The following TAC4 variants were observed in gnomAD, a reference collection of about 807,000 sequenced individuals.
TAC4 encodes the protein tachykinin precursor 4.
Under a neutral mutation model 17.7 loss-of-function variants are expected in TAC4, and 17 were observed. The ratio of observed to expected loss-of-function variants is 0.96; its 90% confidence interval spans 0.66 to 1.44. The LOEUF (loss-of-function observed/expected upper bound fraction) is 1.44. TAC4 is among the 40% of genes most tolerant of loss of function. The probability of loss-of-function intolerance (pLI) is 0.00; values close to 1 mark genes in which losing one functional copy is unlikely to be tolerated. For missense variants in TAC4, 118 were observed against 125.6 expected (o/e 0.94, Z 0.29); for synonymous variants, 62 against 52.4 (o/e 1.18, Z -0.79).
At chr17:49,842,960 C>T (rs763522451) in intron 2 of TAC4, among the ~76,000 whole-genome samples, 4 of 152,140 alleles carry the variant, frequency 2.6e-5, no homozygotes, top group Non-Finnish European at 5.9e-5. Context: ...CTTTAATGGC[C>T]ACAAGGGTTA....
chr17:49,847,710 C>T, intron 1 of TAC4: 1 of 681,200 alleles, frequency 1.5e-6, no homozygotes, highest in Non-Finnish European at 2.5e-6. Flanking sequence ...CACACACACA[C>T]ACACACACAC....
chr17:49,839,769 G>C, intron 4 of TAC4, 81 bp downstream of exon 4: 2 of 1,349,038 alleles, frequency 1.5e-6, no homozygotes, highest in South Asian at 2.7e-5. Context: ...TAGCTGCCCA[G>C]CCCCCATCTT....
chr17:49,847,479 T>G (rs1292824360), intron 1 of TAC4: 1 of 368,666 alleles, frequency 2.7e-6, no homozygotes, highest in Non-Finnish European at 5.1e-6. Flanking sequence ...GGGCAAAGTG[T>G]GTAGTTGTGC....
chr17:49,847,964 C>T lies in TAC4; in HGVS notation c.54G>A (p.Val18=). Residue 18 remains valine (V), a synonymous_variant, in exon 1 of 5, where the codon GTG becomes GTA. Transcript: ENST00000436235. ...TCTGTTCCTCTCCACCATCACCTGC[C>T]ACAGTGCACACGGACAGCTCCATCA... ...LLLMELSVCT[V]AGDGGEEQTL... is the part of the protein sequence containing the mutation. The T allele has an allele frequency of 6.2e-7, 1 of 1,614,214 alleles. No individual in the cohort carries two copies.
intron 3 of TAC4, 32 bp downstream of exon 3, chr17:49,841,520 G>T (rs368046203): frequency 1.3e-6 from 2 of 1,559,022 alleles, no homozygotes; most frequent in Non-Finnish European, 1.7e-6. Flanking sequence ...TCCCTAGGGG[G>T]CATGTTGAAG....
intron 1 of TAC4, chr17:49,846,962 G>T (rs1172178056): frequency 7.8e-7 from 1 of 1,288,854 alleles, no homozygotes; most frequent in Non-Finnish European, 1.0e-6. Context: ...AAAGAAGCAG[G>T]CATCAGTGGA....
intron 1 of TAC4, 83 bp from the exon 2 acceptor site, chr17:49,844,240 G>T: frequency 7.7e-7 from 1 of 1,294,208 alleles, no homozygotes; most frequent in South Asian, 1.2e-5. Flanking sequence ...AATCTCAGGA[G>T]TGACAGCTGG....
intron 2 of TAC4, among the ~76,000 whole-genome samples, chr17:49,842,407 G>A (rs2074505338): frequency 6.6e-6 from 1 of 151,914 alleles, no homozygotes; most frequent in Admixed American, 6.6e-5. Flanking sequence ...GCTGATGCCT[G>A]TAATCTCAAC....
At chr17:49,846,949 C>T in intron 1 of TAC4, 1 of 1,286,920 alleles carries the variant, frequency 7.8e-7, no homozygotes, top group Non-Finnish European at 1.0e-6. Flanking sequence ...AACTGATGTC[C>T]AGAAAGAAGC....
chr17:49,847,564 G>A (rs938575214), intron 1 of TAC4: 1 of 349,704 alleles, frequency 2.9e-6, no homozygotes, highest in African/African-American at 2.1e-5. Context: ...GAAATGAGGG[G>A]TAGTCATGAT....
intron 1 of TAC4, chr17:49,847,347 T>A (rs1482889254): frequency 9.6e-7 from 1 of 1,037,728 alleles, no homozygotes; most frequent in African/African-American, 1.7e-5. Flanking sequence ...GGAGTGGGGG[T>A]AGTGCAGATG....
intron 1 of TAC4, 50 bp from the exon 2 acceptor site, chr17:49,844,207 G>T (rs1424798673): frequency 6.3e-7 from 1 of 1,583,010 alleles, no homozygotes; most frequent in Admixed American, 1.7e-5. Flanking sequence ...TCCAGCAGAC[G>T]GGAGGCCAGC....
chr17:49,839,829 C>A, intron 4 of TAC4, 21 bp downstream of exon 4: 1 of 1,604,192 alleles, frequency 6.2e-7, no homozygotes, highest in Non-Finnish European at 8.5e-7. Context: ...GCCCTTGCAA[C>A]CACCAGCGGC....
At chr17:49,847,393 C>A in intron 1 of TAC4, 1 of 679,514 alleles carries the variant, frequency 1.5e-6, no homozygotes, top group Non-Finnish European at 2.1e-6. Context: ...AAATAGTGGT[C>A]CTGTTTAAGT....
At chr17:49,847,706 CA>C in intron 1 of TAC4, 1 of 656,438 alleles carries the variant, frequency 1.5e-6, no homozygotes, top group Admixed American at 2.7e-5. Flanking sequence ...CACACACACA[CA>C]CACACACACA....
chr17:49,843,518 C>T (rs1401181063), intron 2 of TAC4, among the ~76,000 whole-genome samples: 1 of 117,012 alleles, frequency 8.5e-6, no homozygotes, highest in African/African-American at 3.0e-5. Context: ...GCCCGTGCTC[C>T]CCATTGTTGG....
chr17:49,840,175 A>G (rs2074486355), intron 3 of TAC4, among the ~76,000 whole-genome samples: 1 of 152,194 alleles, frequency 6.6e-6, no homozygotes, highest in African/African-American at 2.4e-5. Context: ...TGGTGCTTCT[A>G]ACAGGCAGAA....
At chr17:49,841,409 A>T in intron 3 of TAC4, 143 bp downstream of exon 3, 2 of 785,122 alleles carry the variant, frequency 2.5e-6, no homozygotes, top group Non-Finnish European at 3.7e-6. Flanking sequence ...GCCAAACCAC[A>T]CTGGCCCCAC....
intron 2 of TAC4, 98 bp from the exon 3 acceptor site, chr17:49,841,682 T>C (rs1451050459): frequency 1.3e-5 from 16 of 1,261,496 alleles, no homozygotes; most frequent in Non-Finnish European, 1.6e-5. Context: ...GTTGGTGCAT[T>C]GGTGGGTCTT....
Sources: gnomAD v4.1 joint callset for allele counts (sites outside exome capture counted in the v4.1 genomes callset) on GRCh38, gnomAD v4.1.1 for gene constraint, MANE v1.5 for transcripts, NCBI Gene and HGNC (gene_info 2026-07-23, HGNC 2026-07-21) for gene names.